Variants in FGF12 observed in about 807,000 individuals in gnomAD.
FGF12 encodes fibroblast growth factor 12B.
FGF12 carries 14 observed loss-of-function variants against 23.6 expected under a neutral mutation model. That is an observed-to-expected ratio of 0.59 (90% CI 0.39 to 0.93). The LOEUF (loss-of-function observed/expected upper bound fraction) is 0.93, where lower values mean the gene tolerates loss of function less well. FGF12 is among the 40% of genes least tolerant of loss of function. The pLI, the probability that FGF12 is intolerant of heterozygous loss-of-function variation, is 0.00. For synonymous variants in FGF12, 62 were observed against 77.3 expected, an observed-to-expected ratio of 0.80 and a Z score of 1.04; for missense variants, 175 against 217.8, an observed-to-expected ratio of 0.80 and a Z score of 1.24.
At chr3:192,702,289 A>T (rs1718323813) in intron 2 of FGF12, among the ~76,000 whole-genome samples, 1 of 152,160 alleles carries the variant, frequency 6.6e-6, no homozygotes, top group Non-Finnish European at 1.5e-5. Flanking sequence ...GGTTGTTTCC[A>T]TATCTTGGCT....
intron 4 of FGF12, among the ~76,000 whole-genome samples, chr3:192,302,167 C>G (rs1560060123): frequency 6.6e-6 from 1 of 152,254 alleles, no homozygotes; most frequent in East Asian, 1.9e-4. Context: ...GTAGAGCCAC[C>G]AGCCCTCTGG....
chr3:192,213,411 T>C (rs1476372510), intron 4 of FGF12, among the ~76,000 whole-genome samples: 1 of 152,210 alleles, frequency 6.6e-6, no homozygotes, highest in Non-Finnish European at 1.5e-5. Flanking sequence ...TTTCCAGACA[T>C]GAATTAAGCT....
Position 192,651,606 on chromosome 3 carries a change from AT to A in FGF12, c.13+75574del, listed in dbSNP as rs549677522. Among the ~76,000 whole-genome samples the A allele has an allele frequency of 2.7e-3, 418 of 152,342 alleles. 4 individuals carry two copies. Among genetic ancestry groups the A allele is most frequent in the African/African-American group, 9.5e-3 (395 of 41,590 alleles). On this transcript the variant is annotated intron_variant, in intron 2 of 5. Transcript: ENST00000445105. ...TTTAAAATGGGTGGACAAATAAAGC[AT>A]TTATTCTAGTTCATTATAGAAAATA... is the stretch of plus-strand genomic sequence containing the variant.
chr3:192,309,652 G>A (rs1715833840), intron 4 of FGF12, among the ~76,000 whole-genome samples: 1 of 152,126 alleles, frequency 6.6e-6, no homozygotes, highest in Non-Finnish European at 1.5e-5. Flanking sequence ...GAGGTATACT[G>A]GGTCTTAAAG....
chr3:192,402,644 C>A (rs9843353), intron 2 of FGF12, among the ~76,000 whole-genome samples: 5,896 of 152,202 alleles, frequency 0.039, 377 homozygotes, highest in African/African-American at 0.13. Flanking sequence ...AGTCTCATTG[C>A]CACTTGAGGC....
chr3:192,724,975 A>G (rs1373483026), intron 2 of FGF12, among the ~76,000 whole-genome samples: 1 of 152,198 alleles, frequency 6.6e-6, no homozygotes, highest in Admixed American at 6.5e-5. Flanking sequence ...TTATATATAC[A>G]TACATTTGAG....
chr3:192,384,894 G>A (rs562131675), intron 2 of FGF12, among the ~76,000 whole-genome samples: 1 of 152,224 alleles, frequency 6.6e-6, no homozygotes, highest in East Asian at 1.9e-4. Flanking sequence ...CTGTTATGAG[G>A]GTCAGGAGAA....
At chr3:192,310,016 C>T (rs1365549910) in intron 4 of FGF12, among the ~76,000 whole-genome samples, 1 of 152,046 alleles carries the variant, frequency 6.6e-6, no homozygotes, top group Non-Finnish European at 1.5e-5. Context: ...GGTAAATTAT[C>T]GAGCATGAAA....
chr3:192,652,116 C>G (rs1716233962), intron 2 of FGF12, among the ~76,000 whole-genome samples: 1 of 152,186 alleles, frequency 6.6e-6, no homozygotes. Flanking sequence ...ACTTCTAGAT[C>G]TTACACTTCC....
At chr3:192,266,943 A>C (rs2108623712) in intron 4 of FGF12, 1 of 152,312 alleles carries the variant, frequency 6.6e-6, no homozygotes, top group East Asian at 1.9e-4. Context: ...AAGTAAAAGC[A>C]ATAAAAACCT....
At chr3:192,492,712 C>T (rs1157088718) in intron 2 of FGF12, among the ~76,000 whole-genome samples, 1 of 152,116 alleles carries the variant, frequency 6.6e-6, no homozygotes, top group African/African-American at 2.4e-5. Flanking sequence ...GAGAAAGGAT[C>T]ACACCGATAT....
intron 2 of FGF12, among the ~76,000 whole-genome samples, chr3:192,405,049 T>C (rs1720907593): frequency 6.6e-6 from 1 of 151,596 alleles, no homozygotes; most frequent in Non-Finnish European, 1.5e-5. Context: ...TGAATCTAGT[T>C]CTAGTCTCAA....
intron 2 of FGF12, among the ~76,000 whole-genome samples, chr3:192,555,297 A>T (rs1711713696): frequency 6.6e-6 from 1 of 152,216 alleles, no homozygotes; most frequent in South Asian, 2.1e-4. Flanking sequence ...AGCAAAAGAG[A>T]AAGTGACTTT....
At chr3:192,167,320 A>G (rs922197786) in intron 5 of FGF12, among the ~76,000 whole-genome samples, 1 of 151,882 alleles carries the variant, frequency 6.6e-6, no homozygotes, top group African/African-American at 2.4e-5. Flanking sequence ...TGTCTTCTTC[A>G]CCTCTCCTCT....
intron 4 of FGF12, among the ~76,000 whole-genome samples, chr3:192,231,910 A>G (rs573694824): frequency 6.6e-6 from 1 of 152,328 alleles, no homozygotes; most frequent in Admixed American, 6.5e-5. Flanking sequence ...GGAAACAGAG[A>G]TCAAAGTCAG....
At chr3:192,640,488 G>A (rs894106388) in intron 2 of FGF12, among the ~76,000 whole-genome samples, 1 of 152,210 alleles carries the variant, frequency 6.6e-6, no homozygotes, top group East Asian at 1.9e-4. Flanking sequence ...AGGTTATTCA[G>A]AGCCATTAAA....
intron 2 of FGF12, among the ~76,000 whole-genome samples, chr3:192,669,073 C>T (rs899660547): frequency 6.6e-6 from 1 of 151,680 alleles, no homozygotes; most frequent in African/African-American, 2.4e-5. Context: ...GGCAAGCAAA[C>T]AAGATAAGAT....
intron 4 of FGF12, among the ~76,000 whole-genome samples, chr3:192,217,244 C>T (rs747213762): frequency 1.3e-5 from 2 of 152,198 alleles, no homozygotes; most frequent in Non-Finnish European, 2.9e-5. Context: ...TTAATCCATG[C>T]AGTGCACATA....
chr3:192,613,429 A>G (rs1714624781), intron 2 of FGF12, among the ~76,000 whole-genome samples: 1 of 151,916 alleles, frequency 6.6e-6, no homozygotes, highest in Non-Finnish European at 1.5e-5. Flanking sequence ...CTATAAAAAT[A>G]TGACACTAAA....
Sources: gnomAD v4.1 joint callset for allele counts (sites outside exome capture counted in the v4.1 genomes callset) on GRCh38, gnomAD v4.1.1 for gene constraint, MANE v1.5 for transcripts, NCBI Gene and HGNC (gene_info 2026-07-23, HGNC 2026-07-21) for gene names.